ASDURF: variants seen among roughly 807,000 people sequenced by gnomAD.
The protein encoded by ASDURF is ASDURF protein.
Under a neutral mutation model 3.3 loss-of-function variants are expected in ASDURF, and 3 were observed. The ratio of observed to expected loss-of-function variants is 0.92; its 90% CI spans 0.42 to 2.37. ASDURF has a LOEUF of 2.37. ASDURF is among the 30% of genes most tolerant of loss of function. ASDURF has a pLI of 0.05. For synonymous variants in ASDURF, 11 were observed against 8.3 expected, an observed-to-expected ratio of 1.32 and a Z score of -0.55; for missense variants, 23 against 25.4, an observed-to-expected ratio of 0.90 and a Z score of 0.21.
At chr2:189,665,612 A>ATATATACATATATATATATG (rs2032777032) in intron 3 of ASDURF, among the ~76,000 whole-genome samples, 161 bp downstream of exon 3, 2 of 32,852 alleles carry the variant, frequency 6.1e-5, no homozygotes, top group African/African-American at 1.5e-4. Context: ...ATATATATAT[A>ATATATACATATATATATATG]TATATATATA....
rs143996723 is a variant in ASDURF, at chr2:189,666,289, G to A, written c.*178G>A. On this transcript the variant is annotated 3_prime_UTR_variant, in exon 4 of 4. Coordinates refer to ENST00000607829, the MANE Select transcript of ASDURF (RefSeq NM_001353493.2). Reference sequence around the variant, plus strand: ...CTACCAGTGTTTATTTTCTGCTCACGTCCTACACTTGAGGGGTGTTTTGAC... The same window carrying A: ...CTACCAGTGTTTATTTTCTGCTCACATCCTACACTTGAGGGGTGTTTTGAC... 29 of 1,614,076 alleles carry A rather than the reference G, an allele frequency of 1.8e-5. No homozygotes were observed. The African/African-American group carries it at 2.0e-4, about 11-fold the overall frequency.
rs112098534 is a variant in ASDURF, at chr2:189,661,466, A to G, written c.-55A>G. 2 of 399,164 alleles carry G rather than the reference A, an allele frequency of 5.0e-6. No homozygotes were observed. 24.7% of individuals were successfully genotyped at this position (399,164 alleles called of 1,614,324 possible). On this transcript the variant is annotated 5_prime_UTR_variant, in exon 1 of 4. It removes an upstream start codon present in the reference 5' UTR. Coordinates refer to ENST00000607829, the MANE Select transcript of ASDURF (RefSeq NM_001353493.2). ...TGGAAGCGCGCATGCGCTGTGGCTA[A>G]TGCCGTAGGCTCCTTCAGGGCTGAG...
chr2:189,663,992 GTTTA>G, intron 2 of ASDURF, 38 bp downstream of exon 2: 1 of 380,088 alleles, frequency 2.6e-6, no homozygotes, highest in Non-Finnish European at 4.7e-6. Context: ...TATGTGGGAG[GTTTA>G]TTTATGTTAA....
chr2:189,663,480 C>T (rs993262275), intron 1 of ASDURF, among the ~76,000 whole-genome samples: 2 of 152,150 alleles, frequency 1.3e-5, no homozygotes, highest in East Asian at 1.9e-4. Flanking sequence ...CTCGAACTCC[C>T]GACTTCAGGT....
In ASDURF at chr2:189,666,137, G is replaced by C; in HGVS notation, c.*26G>C. 6.4e-7 allele frequency: 1 copy of C among 1,553,448 alleles called. No homozygotes were observed. Among genetic ancestry groups the C allele is most frequent in the Non-Finnish European group, 8.7e-7 (1 of 1,152,512 alleles). On this transcript the variant is annotated 3_prime_UTR_variant, in exon 4 of 4. Transcript: ENST00000607829. The stretch of plus-strand genomic sequence containing the variant: ...TCAACCTGATTTCACATAACAATGT[G>C]TGGCATTTGTTGTTCTGTAAACTTT...
At chr2:189,665,622 ATATATATATATATATATATATATAT>A (rs2032779937) in intron 3 of ASDURF, among the ~76,000 whole-genome samples, 171 bp downstream of exon 3, 1 of 119,974 alleles carries the variant, frequency 8.3e-6, no homozygotes, top group African/African-American at 3.3e-5. Context: ...ATATATATAT[ATATATATATATATATATATATATAT>A]TATAAATGTT....
At position 189,661,490 on chromosome 2, in the gene ASDURF, A is replaced by T. The variant is rs1347006983; in HGVS notation, c.-31A>T. On this transcript the variant is annotated 5_prime_UTR_variant, in exon 1 of 4. Transcript: ENST00000607829. ...AATGCCGTAGGCTCCTTCAGGGCTG[A>T]GCCATCCCGCGTGTCTTGCGCTCGG... 1 of 399,142 alleles carries T rather than the reference A, an allele frequency of 2.5e-6. No homozygotes were observed. Among genetic ancestry groups the T allele is most frequent in the Admixed American group, 4.4e-5 (1 of 22,718 alleles). The allele number at this position is 399,142 out of a possible 1,614,324, so 24.7% of individuals were successfully genotyped here. A position where few individuals can be genotyped will look rare whatever the true frequency, so the allele number is the denominator to read the frequency against.
At chr2:189,665,492 A>T (rs2032764325) in intron 3 of ASDURF, 41 bp downstream of exon 3, 1 of 393,806 alleles carries the variant, frequency 2.5e-6, no homozygotes, top group Non-Finnish European at 4.5e-6. Flanking sequence ...GGGTGCCTAA[A>T]TTATACTCAT....
intron 1 of ASDURF, among the ~76,000 whole-genome samples, chr2:189,662,230 CAATAT>C (rs1471992803): frequency 6.6e-6 from 1 of 152,070 alleles, no homozygotes. Context: ...GAGAGGAAGC[CAATAT>C]AATATAAGCC....
chr2:189,661,693 G>A (rs557314889), intron 1 of ASDURF, 83 bp downstream of exon 1: 1 of 399,012 alleles, frequency 2.5e-6, no homozygotes, highest in South Asian at 1.3e-4. Flanking sequence ...AGCGGGCAGC[G>A]TGGGGCCTGC....
chr2:189,661,903 G>T (rs1349112866), intron 1 of ASDURF, among the ~76,000 whole-genome samples: 1 of 152,032 alleles, frequency 6.6e-6, no homozygotes. Flanking sequence ...TGGAAATACC[G>T]CCCACCCCAA....
At position 189,661,484 on chromosome 2, in the gene ASDURF, G is replaced by T. The variant is rs1422037335; in HGVS notation, c.-37G>T. ...GTGGCTAATGCCGTAGGCTCCTTCA[G>T]GGCTGAGCCATCCCGCGTGTCTTGC... On this transcript the variant is annotated 5_prime_UTR_variant, in exon 1 of 4. In the 5' UTR this introduces an upstream ATG that the reference lacks. Coordinates refer to ENST00000607829, the MANE Select transcript of ASDURF (RefSeq NM_001353493.2). The T allele has an allele frequency of 7.5e-6, 3 of 399,094 alleles. No individual in the cohort carries two copies. The highest frequency in any genetic ancestry group is 1.3e-5 in the Non-Finnish European group (3 of 226,206). The allele number at this position is 399,094 out of a possible 1,614,324, so 24.7% of individuals were successfully genotyped here.
intron 1 of ASDURF, among the ~76,000 whole-genome samples, chr2:189,662,376 CTT>C (rs544864062): frequency 1.1e-4 from 16 of 152,198 alleles, no homozygotes; most frequent in Non-Finnish European, 1.5e-4. Context: ...GGGCAAGTCT[CTT>C]TAATCTTTCT....
At chr2:189,663,263 A>T (rs554280597) in intron 1 of ASDURF, among the ~76,000 whole-genome samples, 108 of 150,536 alleles carry the variant, frequency 7.2e-4, no homozygotes, top group East Asian at 2.0e-3. Context: ...TTATTTATTT[A>T]TTTTTTTGAG....
At position 189,661,690 on chromosome 2, in the gene ASDURF, A is replaced by G. The variant is rs183313673; in HGVS notation, c.90+80A>G. The stretch of plus-strand genomic sequence containing the variant: ...ACCCTGAAGGTGGTCCGCAGCGGGC[A>G]GCGTGGGGCCTGCCTGGGCCTCGGC... On this transcript the variant is annotated intron_variant, in intron 1 of 3. Coordinates refer to ENST00000607829, the MANE Select transcript of ASDURF (RefSeq NM_001353493.2). 74 of 399,058 alleles carry G rather than the reference A, an allele frequency of 1.9e-4. 1 individual carries two copies. Among genetic ancestry groups the G allele is most frequent in the African/African-American group, 1.4e-3 (68 of 48,782 alleles). The allele number at this position is 399,058 out of a possible 1,614,324, so 24.7% of individuals were successfully genotyped here.
At chr2:189,663,708 C>G (rs1045626528) in intron 1 of ASDURF, among the ~76,000 whole-genome samples, 193 bp from the exon 2 acceptor site, 3 of 152,298 alleles carry the variant, frequency 2.0e-5, no homozygotes, top group Non-Finnish European at 4.4e-5. Context: ...TCTCCTCCAG[C>G]TTTTCCTGAA....
At chr2:189,663,690 C>A (rs1417894478) in intron 1 of ASDURF, among the ~76,000 whole-genome samples, 1 of 152,204 alleles carries the variant, frequency 6.6e-6, no homozygotes, top group Admixed American at 6.5e-5. Flanking sequence ...AGTCTAATCA[C>A]TGTTTTTTCT....
At chr2:189,665,039 G>A (rs773582705) in intron 2 of ASDURF, among the ~76,000 whole-genome samples, 6 of 152,128 alleles carry the variant, frequency 3.9e-5, no homozygotes, top group Non-Finnish European at 5.9e-5. Context: ...GTATAATTTG[G>A]TCACCATAGC....
intron 1 of ASDURF, among the ~76,000 whole-genome samples, chr2:189,661,910 C>G (rs2032673999): frequency 6.6e-6 from 1 of 152,178 alleles, no homozygotes; most frequent in South Asian, 2.1e-4. Flanking sequence ...ACCGCCCACC[C>G]CAAATCTGTT....
Sources: allele counts gnomAD v4.1 joint callset (sites outside exome capture counted in the v4.1 genomes callset), GRCh38; gene constraint gnomAD v4.1.1; transcripts MANE v1.5; gene names NCBI Gene and HGNC (gene_info 2026-07-23, HGNC 2026-07-21).